The following RNF138 variants were observed in gnomAD, a reference collection of about 807,000 sequenced individuals.
The protein encoded by RNF138 is E3 ubiquitin-protein ligase RNF138.
Under a neutral mutation model 31.0 loss-of-function variants are expected in RNF138, and 12 were observed. The ratio of observed to expected loss-of-function variants is 0.39; its 90% CI spans 0.25 to 0.63. The LOEUF is 0.63. RNF138 is among the 20% of genes least tolerant of loss of function. RNF138 has a pLI of 0.52. For missense variants in RNF138, 192 were observed against 300.1 expected, an observed-to-expected ratio of 0.64 and a Z score of 2.66; for synonymous variants, 105 against 99.5, an observed-to-expected ratio of 1.06 and a Z score of -0.33.
intron 7 of RNF138, among the ~76,000 whole-genome samples, chr18:32,128,792 G>A (rs577209937): frequency 2.1e-3 from 325 of 152,136 alleles, no homozygotes; most frequent in Non-Finnish European, 3.4e-3. Flanking sequence ...AACTACAGGC[G>A]CATGCTTACC....
intron 3 of RNF138, 110 bp downstream of exon 3, chr18:32,112,029 A>G (rs1198268639): frequency 7.4e-6 from 7 of 941,666 alleles, no homozygotes; most frequent in Non-Finnish European, 1.1e-5. Context: ...GATGAAAGGT[A>G]TTTAGACTGG....
chr18:32,126,155 G>T (rs1405840268), intron 6 of RNF138, among the ~76,000 whole-genome samples: 1 of 152,276 alleles, frequency 6.6e-6, no homozygotes, highest in African/African-American at 2.4e-5. Flanking sequence ...AGCACTTTGG[G>T]AGGCCAAGGC....
At chr18:32,110,803 C>CTTTTT (rs2040114755) in intron 2 of RNF138, among the ~76,000 whole-genome samples, 2 of 149,746 alleles carry the variant, frequency 1.3e-5, no homozygotes, top group African/African-American at 4.9e-5. Flanking sequence ...TTTTTTGAGA[C>CTTTTT]GGAGTCTTGC....
intron 4 of RNF138, among the ~76,000 whole-genome samples, chr18:32,116,030 T>C (rs1308729565): frequency 6.6e-6 from 1 of 152,218 alleles, no homozygotes; most frequent in African/African-American, 2.4e-5. Flanking sequence ...GCCTCAGTTG[T>C]CTCATGTGTT....
intron 4 of RNF138, among the ~76,000 whole-genome samples, chr18:32,117,905 G>A (rs189853280): frequency 3.3e-5 from 5 of 152,276 alleles, no homozygotes; most frequent in African/African-American, 1.2e-4. Context: ...CAGGAAGTGG[G>A]GAGGAGGAGG....
Position 32,097,818 on chromosome 18 carries a change from C to T in RNF138, c.110+4932C>T, listed in dbSNP as rs143790117. On this transcript the variant is annotated intron_variant, in intron 2 of 7. Coordinates refer to ENST00000261593, the MANE Select transcript of RNF138 (RefSeq NM_016271.5). ...GATTATAGGCATGAGCCACTATCCT[C>T]GGCCTAATTAATTAATTTAGAAACA... Among the ~76,000 whole-genome samples the T allele has an allele frequency of 2.5e-3, 383 of 151,920 alleles. 1 individual carries two copies. Among genetic ancestry groups the T allele is most frequent in the Middle Eastern group, 0.017 (5 of 294 alleles).
At chr18:32,099,671 G>A (rs1445420922) in intron 2 of RNF138, among the ~76,000 whole-genome samples, 1 of 152,178 alleles carries the variant, frequency 6.6e-6, no homozygotes, top group Non-Finnish European at 1.5e-5. Flanking sequence ...CTCCCAAAGT[G>A]CTAGGATTAC....
chr18:32,116,268 A>G (rs1360647776), intron 4 of RNF138, among the ~76,000 whole-genome samples: 5 of 152,086 alleles, frequency 3.3e-5, no homozygotes, highest in Non-Finnish European at 7.4e-5. Flanking sequence ...GACTTAGACC[A>G]AGTGTTAGCT....
intron 2 of RNF138, among the ~76,000 whole-genome samples, chr18:32,104,131 A>G (rs1384462672): frequency 1.3e-5 from 2 of 150,388 alleles, no homozygotes; most frequent in African/African-American, 4.9e-5. Context: ...CTAGTGACTT[A>G]GCCTCCCAAA....
chr18:32,106,224 G>C (rs892661627), intron 2 of RNF138, among the ~76,000 whole-genome samples: 7 of 152,190 alleles, frequency 4.6e-5, no homozygotes, highest in Admixed American at 1.3e-4. Flanking sequence ...CGACAAGGTT[G>C]CACGAGTGGT....
In RNF138 at chr18:32,126,676, C is replaced by A; in HGVS notation, c.562-17C>A. 7.4e-7 allele frequency: 1 copy of A among 1,356,874 alleles called. No homozygotes were observed. Among genetic ancestry groups the A allele is most frequent in the Non-Finnish European group, 1.0e-6 (1 of 960,808 alleles). 84.1% of individuals were successfully genotyped at this position (1,356,874 alleles called of 1,614,324 possible). ...TGTTTTTATTATTTTTTGTTTAAAA[C>A]AATCTGTTTCTTATAGACATGTCCT... On this transcript the variant is annotated splice_polypyrimidine_tract_variant and intron_variant, in intron 6 of 7. Coordinates refer to ENST00000261593, the MANE Select transcript of RNF138 (RefSeq NM_016271.5).
intron 2 of RNF138, among the ~76,000 whole-genome samples, chr18:32,098,992 T>C (rs1307637337): frequency 6.6e-6 from 1 of 152,070 alleles, no homozygotes; most frequent in Non-Finnish European, 1.5e-5. Flanking sequence ...AGTGCCAGAT[T>C]TTAAATTATT....
chr18:32,117,892 C>T (rs1021723968), intron 4 of RNF138, among the ~76,000 whole-genome samples: 3 of 152,080 alleles, frequency 2.0e-5, no homozygotes, highest in African/African-American at 7.2e-5. Flanking sequence ...TTTTCTTTAG[C>T]CACAGGAAGT....
At chr18:32,096,853 A>C (rs59911054) in intron 2 of RNF138, among the ~76,000 whole-genome samples, 1 of 151,982 alleles carries the variant, frequency 6.6e-6, no homozygotes, top group Admixed American at 6.6e-5. Context: ...CAACCTCCCA[A>C]GTAGCTAGCT....
At chr18:32,093,178 C>T (rs1001574695) in intron 2 of RNF138, among the ~76,000 whole-genome samples, 16 of 152,184 alleles carry the variant, frequency 1.1e-4, no homozygotes, top group Admixed American at 2.0e-4. Context: ...GGGCAGTGGC[C>T]AGGCCGTTCC....
At chr18:32,099,521 A>G (rs966028129) in intron 2 of RNF138, among the ~76,000 whole-genome samples, 17 of 152,040 alleles carry the variant, frequency 1.1e-4, no homozygotes, top group African/African-American at 3.6e-4. Flanking sequence ...TCCTGCCCCA[A>G]TCTCCCGTGT....
chr18:32,098,482 A>C (rs1297737720), intron 2 of RNF138, among the ~76,000 whole-genome samples: 1 of 152,118 alleles, frequency 6.6e-6, no homozygotes, highest in Non-Finnish European at 1.5e-5. Context: ...GTATCTTGTT[A>C]CTTGAGTAGT....
intron 2 of RNF138, among the ~76,000 whole-genome samples, chr18:32,095,783 G>C (rs2039793921): frequency 1.3e-5 from 2 of 152,194 alleles, no homozygotes; most frequent in Admixed American, 6.5e-5. Flanking sequence ...TGAAACTGCA[G>C]TTGTTGAATG....
chr18:32,101,093 G>A (rs573630784), intron 2 of RNF138, among the ~76,000 whole-genome samples: 1 of 152,252 alleles, frequency 6.6e-6, no homozygotes, highest in East Asian at 1.9e-4. Flanking sequence ...CTGTGCTCGT[G>A]CATAGAACAT....
Sources: allele counts gnomAD v4.1 joint callset (sites outside exome capture counted in the v4.1 genomes callset), GRCh38; gene constraint gnomAD v4.1.1; transcripts MANE v1.5; gene names NCBI Gene and HGNC (gene_info 2026-07-23, HGNC 2026-07-21).